The following CNOT8 variants were observed in gnomAD, a reference collection of about 807,000 sequenced individuals.
CNOT8 encodes CCR4-NOT transcription complex subunit 8.
A neutral mutation model predicts 34.6 loss-of-function variants in CNOT8; 18 were observed. The ratio of observed to expected loss-of-function variants is 0.52; its 90% CI spans 0.36 to 0.77. The LOEUF (loss-of-function observed/expected upper bound fraction) is 0.77. Among genes scored for constraint, CNOT8 ranks in the 30% least tolerant of loss-of-function variants. The probability of loss-of-function intolerance (pLI) is 0.00; values close to 1 mark genes in which losing one functional copy is unlikely to be tolerated. For synonymous variants in CNOT8, 101 were observed against 118.8 expected (o/e 0.85, Z 0.98); for missense variants, 189 against 347.9 (o/e 0.54, Z 3.63).
intron 1 of CNOT8, among the ~76,000 whole-genome samples, chr5:154,860,180 C>G (rs1313523844): frequency 6.6e-6 from 1 of 152,110 alleles, no homozygotes; most frequent in Non-Finnish European, 1.5e-5. Flanking sequence ...TTGTGATGCG[C>G]TGTGAGATGC....
Position 154,863,423 on chromosome 5 carries a change from CT to C in CNOT8, c.117+31del, listed in dbSNP as rs771848856. ...AAGGAGCTCTACTCTGACTCACCTT[CT>C]TTGTCACTTTTAAAGTTGGGGTCTT... On this transcript the variant is annotated intron_variant, in intron 2 of 6. Coordinates refer to ENST00000285896, the MANE Select transcript of CNOT8 (RefSeq NM_001301073.2). 4 of 1,511,706 alleles carry C rather than the reference CT, an allele frequency of 2.6e-6. No homozygotes were observed. The African/African-American group carries it at 5.5e-5, about 21-fold the overall frequency. The allele number at this position is 1,511,706 out of a possible 1,614,324, so 93.6% of individuals were successfully genotyped here. A position where few individuals can be genotyped will look rare whatever the true frequency, so the allele number is the denominator to read the frequency against.
At chr5:154,862,812 AGAT>A (rs1373740536) in intron 1 of CNOT8, among the ~76,000 whole-genome samples, 1 of 152,186 alleles carries the variant, frequency 6.6e-6, no homozygotes, top group Non-Finnish European at 1.5e-5. Context: ...AAAATGGCTA[AGAT>A]GATTCCTGTA....
Position 154,872,642 on chromosome 5 carries a change from G to A in CNOT8, c.720G>A (p.Arg240=). 1.2e-6 allele frequency: 2 copies of A among 1,608,528 alleles called. No individual in the cohort carries two copies. The highest frequency in any genetic ancestry group is 1.1e-5 in the South Asian group (1 of 90,792). ...TGCTGACAGGAATGGCTTTCTTTAG[G>A]ATGAAAGAGGTAAGCTTCCTTGAAT... ...DSLLTGMAFF[R]MKELFFEDSI... Residue 240 remains arginine (R), a synonymous_variant, in exon 6 of 7, where the codon AGG becomes AGA. Coordinates refer to ENST00000285896, the MANE Select transcript of CNOT8 (RefSeq NM_001301073.2).
intron 4 of CNOT8, 74 bp from the exon 5 acceptor site, chr5:154,871,656 G>A (rs1762491562): frequency 7.4e-7 from 1 of 1,355,726 alleles, no homozygotes; most frequent in African/African-American, 1.5e-5. Flanking sequence ...TACAAGCTTT[G>A]AGAAATAAAA....
At chr5:154,866,201 AC>A (rs1761852774) in intron 3 of CNOT8, among the ~76,000 whole-genome samples, 1 of 152,086 alleles carries the variant, frequency 6.6e-6, no homozygotes, top group Admixed American at 6.6e-5. Flanking sequence ...TCGCTTTGTC[AC>A]CCAGGCTAGA....
intron 4 of CNOT8, among the ~76,000 whole-genome samples, chr5:154,871,024 G>C (rs1762439513): frequency 6.6e-6 from 1 of 152,104 alleles, no homozygotes; most frequent in Admixed American, 6.6e-5. Context: ...ACAGTATTTG[G>C]CTCTATCATG....
At chr5:154,870,904 T>A in intron 4 of CNOT8, 82 bp downstream of exon 4, 3 of 1,225,542 alleles carry the variant, frequency 2.4e-6, no homozygotes, top group Non-Finnish European at 3.5e-6. Flanking sequence ...ATTTTTGCAG[T>A]CCTAGTGACT....
chr5:154,874,038 T>C (rs1189358228), intron 6 of CNOT8, among the ~76,000 whole-genome samples: 1 of 152,156 alleles, frequency 6.6e-6, no homozygotes, highest in Admixed American at 6.5e-5. Context: ...AACCCTATTA[T>C]CCTGTTTTAT....
rs1316988174 is a variant in CNOT8, at chr5:154,875,440, T to C, written c.*1T>C. On this transcript the variant is annotated 3_prime_UTR_variant, in exon 7 of 7. Transcript: ENST00000285896. ...GATTATCAACAACATGCAGCAGTGA[T>C]GGCGCCAGGCTCTGCAGGGTGGGCC... 1 of 1,613,358 alleles carries C rather than the reference T, an allele frequency of 6.2e-7. No homozygotes were observed. The highest frequency in any genetic ancestry group is 8.5e-7 in the Non-Finnish European group (1 of 1,179,952).
intron 2 of CNOT8, among the ~76,000 whole-genome samples, chr5:154,864,352 C>T (rs554838278): frequency 4.0e-5 from 6 of 151,780 alleles, no homozygotes; most frequent in Non-Finnish European, 5.9e-5. Flanking sequence ...CCCAGCTACT[C>T]GGGAGGCTGA....
intron 3 of CNOT8, among the ~76,000 whole-genome samples, chr5:154,865,946 C>T (rs919837074): frequency 2.6e-5 from 4 of 152,084 alleles, no homozygotes; most frequent in East Asian, 1.9e-4. Flanking sequence ...TTTTTTCTAC[C>T]TCTTGACTGT....
chr5:154,875,226 A>G, intron 6 of CNOT8, 64 bp from the exon 7 acceptor site: 1 of 1,558,402 alleles, frequency 6.4e-7, no homozygotes, highest in South Asian at 1.1e-5. Flanking sequence ...CAGATGTGAT[A>G]ATATTTATAC....
In CNOT8 at chr5:154,875,739, G is replaced by A. The variant is rs1762883379; in HGVS notation, c.*300G>A. On this transcript the variant is annotated 3_prime_UTR_variant, in exon 7 of 7. Transcript: ENST00000285896. ...TCATTTGACACCTTTTTAAATATCA[G>A]GACAAGTCTGAAACAAAGTAGTAAA... 7.6e-6 allele frequency: 2 copies of A among 264,754 alleles called. No individual in the cohort carries two copies. Among genetic ancestry groups the A allele is most frequent in the Middle Eastern group, 1.2e-3 (1 of 806 alleles). 16.4% of individuals were successfully genotyped at this position (264,754 alleles called of 1,614,324 possible). A position where few individuals can be genotyped will look rare whatever the true frequency, so the allele number is the denominator to read the frequency against.
rs1762921037 is a variant in CNOT8 at position 154,876,326 on chromosome 5, T to A, written c.*887T>A. On this transcript the variant is annotated 3_prime_UTR_variant, in exon 7 of 7. Transcript: ENST00000285896. Reference sequence around the variant, plus strand: ...ATGGTCATCTGGATTCTCCCACTTCTCTACTCCATTATTTCTCTACTTTTC... The same window carrying A: ...ATGGTCATCTGGATTCTCCCACTTCACTACTCCATTATTTCTCTACTTTTC... 6.6e-6 allele frequency: 1 copy of A among 152,236 alleles called. No individual in the cohort carries two copies. The highest frequency in any genetic ancestry group is 1.9e-4 in the East Asian group (1 of 5,196). The allele number at this position is 152,236 out of a possible 1,614,324, so 9.4% of individuals were successfully genotyped here.
intron 5 of CNOT8, 23 bp downstream of exon 5, chr5:154,871,897 C>T: frequency 1.3e-6 from 2 of 1,591,802 alleles, no homozygotes; most frequent in Non-Finnish European, 1.7e-6. Flanking sequence ...TTTCTTAATA[C>T]CAGTAACAAA....
At chr5:154,868,128 G>A (rs747178964) in intron 3 of CNOT8, among the ~76,000 whole-genome samples, 13 of 151,898 alleles carry the variant, frequency 8.6e-5, no homozygotes, top group African/African-American at 1.2e-4. Flanking sequence ...TAGTAGAGAC[G>A]GGGTTTCACC....
Position 154,871,834 on chromosome 5 carries a change from A to G in CNOT8, c.578A>G (p.Tyr193Cys). The G allele has an allele frequency of 6.2e-7, 1 of 1,613,660 alleles. No individual in the cohort carries two copies. Among genetic ancestry groups the G allele is most frequent in the Non-Finnish European group, 8.5e-7 (1 of 1,179,666 alleles). Residue 193 changes from tyrosine to cysteine, a missense_variant, in exon 5 of 7, where the codon TAT becomes TGT. Tyr to Cys is a radical substitution (Grantham distance 194). This residue lies in a region of CNOT8 where 160 missense variants were observed against 321.9 expected (regional missense o/e 0.50). Coordinates refer to ENST00000285896, the MANE Select transcript of CNOT8 (RefSeq NM_001301073.2). ...HILNLFFPSI[Y>C]DVKYLMKSCK... ...CTGAACCTTTTCTTCCCATCCATTT[A>G]TGATGTGAAATACCTGATGAAGAGC... is the stretch of plus-strand genomic sequence containing the variant.
chr5:154,862,761 G>A (rs1171941225), intron 1 of CNOT8, among the ~76,000 whole-genome samples: 1 of 152,172 alleles, frequency 6.6e-6, no homozygotes, highest in African/African-American at 2.4e-5. Flanking sequence ...GAGAGTTTAG[G>A]TCCACATTCT....
chr5:154,865,500 G>T, intron 3 of CNOT8, 115 bp downstream of exon 3: 1 of 627,834 alleles, frequency 1.6e-6, no homozygotes, highest in East Asian at 3.1e-5. Flanking sequence ...AGCAAGTGAA[G>T]TCCTGCTTAA....
Sources: allele counts gnomAD v4.1 joint callset (sites outside exome capture counted in the v4.1 genomes callset), GRCh38; gene constraint gnomAD v4.1.1; regional missense constraint gnomAD v4.1.1; transcripts MANE v1.5; gene names NCBI Gene and HGNC (gene_info 2026-07-23, HGNC 2026-07-21).